The following PIK3C2G variants were observed in gnomAD, a reference collection of about 807,000 sequenced individuals.
PIK3C2G encodes phosphatidylinositol 3-kinase C2 domain-containing subunit gamma.
A neutral mutation model predicts 181.1 loss-of-function variants in PIK3C2G; 168 were observed. That is an observed-to-expected ratio of 0.93 (90% CI 0.82 to 1.05). The LOEUF (loss-of-function observed/expected upper bound fraction) is 1.05. PIK3C2G is among the 50% of genes least tolerant of loss of function. The pLI is 0.00. For synonymous variants in PIK3C2G, 573 were observed against 592.2 expected (o/e 0.97, Z 0.47); for missense variants, 1,869 against 1,732.8 (o/e 1.08, Z -1.40).
chr12:18,526,724 C>A (rs1319729621), intron 24 of PIK3C2G, among the ~76,000 whole-genome samples: 1 of 152,058 alleles, frequency 6.6e-6, no homozygotes. Flanking sequence ...AGAGCCATTC[C>A]TAGGCAAACT....
the PIK3C2G span, among the ~76,000 whole-genome samples, chr12:18,695,448 T>C: frequency 1.4e-4 from 21 of 152,250 alleles, no homozygotes; most frequent in Non-Finnish European, 2.5e-4. Context: ...ATGTCATAAA[T>C]TTTCAAGTCC....
At chr12:18,634,067 C>T (rs1949481689) in intron 31 of PIK3C2G, among the ~76,000 whole-genome samples, 1 of 152,146 alleles carries the variant, frequency 6.6e-6, no homozygotes, top group South Asian at 2.1e-4. Context: ...TTGCTGCAGC[C>T]TGGCAAGGTA....
At chr12:18,368,455 C>A (rs1941798593) in intron 12 of PIK3C2G, among the ~76,000 whole-genome samples, 1 of 152,102 alleles carries the variant, frequency 6.6e-6, no homozygotes. Context: ...CAAATAGATC[C>A]AAATCCAAAC....
intron 9 of PIK3C2G, among the ~76,000 whole-genome samples, chr12:18,340,880 CA>C (rs1044889448): frequency 6.6e-6 from 1 of 152,024 alleles, no homozygotes; most frequent in African/African-American, 2.4e-5. Context: ...ATCTTTCCCA[CA>C]ACGCCAATAT....
intron 23 of PIK3C2G, among the ~76,000 whole-genome samples, chr12:18,504,023 G>A (rs759761285): frequency 3.0e-4 from 45 of 152,220 alleles, no homozygotes; most frequent in Non-Finnish European, 5.9e-4. Flanking sequence ...CTATGATCTA[G>A]TACAGCTGGG....
intron 30 of PIK3C2G, among the ~76,000 whole-genome samples, chr12:18,596,280 T>G (rs12818409): frequency 8.6e-5 from 13 of 151,870 alleles, no homozygotes; most frequent in African/African-American, 3.1e-4. Flanking sequence ...GTCTCCGAAC[T>G]GCTAAAATTA....
chr12:18,283,281 T>C (rs540332840), intron 2 of PIK3C2G, among the ~76,000 whole-genome samples: 1 of 152,300 alleles, frequency 6.6e-6, no homozygotes, highest in South Asian at 2.1e-4. Flanking sequence ...GTATTCATTG[T>C]GTGACTCATC....
intron 8 of PIK3C2G, among the ~76,000 whole-genome samples, chr12:18,335,475 A>C (rs988502967): frequency 9.9e-5 from 15 of 151,672 alleles, no homozygotes; most frequent in African/African-American, 3.6e-4. Flanking sequence ...GTGTGTGTGT[A>C]TGTATGTGTG....
intron 32 of PIK3C2G, among the ~76,000 whole-genome samples, chr12:18,645,346 A>G (rs1950064709): frequency 6.6e-6 from 1 of 152,210 alleles, no homozygotes; most frequent in Non-Finnish European, 1.5e-5. Context: ...ATAGATATTT[A>G]TCATCTATAA....
chr12:18,378,527 TA>T (rs2137937875), intron 13 of PIK3C2G, among the ~76,000 whole-genome samples: 1 of 152,216 alleles, frequency 6.6e-6, no homozygotes, highest in South Asian at 2.1e-4. Context: ...GGGATCTAAT[TA>T]AACTAAAGAG....
intron 24 of PIK3C2G, among the ~76,000 whole-genome samples, chr12:18,526,058 A>AT (rs1276869922): frequency 2.0e-5 from 3 of 152,172 alleles, no homozygotes; most frequent in Non-Finnish European, 1.5e-5. Context: ...ATTACCACTG[A>AT]TTTTTTTAAA....
chr12:18,278,438 A>C (rs139306677), intron 1 of PIK3C2G, among the ~76,000 whole-genome samples: 4 of 152,136 alleles, frequency 2.6e-5, no homozygotes, highest in African/African-American at 9.7e-5. Flanking sequence ...GTCCAATGAG[A>C]TAATCTTTCT....
chr12:18,344,651 T>A (rs1939488509), intron 10 of PIK3C2G, among the ~76,000 whole-genome samples: 1 of 152,088 alleles, frequency 6.6e-6, no homozygotes. Context: ...CCCACAAAAC[T>A]GTACAGAAAT....
intron 16 of PIK3C2G, among the ~76,000 whole-genome samples, chr12:18,405,478 G>C (rs1944477126): frequency 6.6e-6 from 1 of 151,730 alleles, no homozygotes; most frequent in Non-Finnish European, 1.5e-5. Context: ...AGAGTGCAGT[G>C]GTGCGATCTC....
At position 18,471,663 on chromosome 12, in the gene PIK3C2G, T is replaced by C. The variant is rs572679662; in HGVS notation, c.2505-16786T>C. Among the ~76,000 whole-genome samples the C allele has an allele frequency of 7.2e-5, 11 of 152,286 alleles. No individual in the cohort carries two copies. The South Asian group carries it at 2.1e-3, about 29-fold the overall frequency. ...TCACAGAGCACATTCCCCTGTGAAC[T>C]TTCTACAATTATTCTGAACAATGGT... On this transcript the variant is annotated intron_variant, in intron 18 of 32. Transcript: ENST00000538779.
the PIK3C2G span, among the ~76,000 whole-genome samples, chr12:18,695,336 A>G: frequency 6.6e-6 from 1 of 152,200 alleles, no homozygotes; most frequent in Non-Finnish European, 1.5e-5. Flanking sequence ...AATGGTATCC[A>G]GTACAGATTA....
chr12:18,669,178 C>T, the PIK3C2G span, among the ~76,000 whole-genome samples: 2 of 152,154 alleles, frequency 1.3e-5, no homozygotes, highest in Non-Finnish European at 1.5e-5. Context: ...CTAAAGCACA[C>T]ACACAAAAGA....
At chr12:18,523,031 T>C (rs551273215) in intron 24 of PIK3C2G, among the ~76,000 whole-genome samples, 5 of 152,284 alleles carry the variant, frequency 3.3e-5, no homozygotes, top group African/African-American at 1.2e-4. Flanking sequence ...CTATTGAAGC[T>C]TTCTAATAAC....
At chr12:18,403,493 G>A (rs1240684176) in intron 16 of PIK3C2G, among the ~76,000 whole-genome samples, 4 of 152,106 alleles carry the variant, frequency 2.6e-5, no homozygotes, top group African/African-American at 9.7e-5. Context: ...AACAGTATGT[G>A]CTTATTAAGT....
Sources: allele counts gnomAD v4.1 joint callset (sites outside exome capture counted in the v4.1 genomes callset), GRCh38; gene constraint gnomAD v4.1.1; transcripts MANE v1.5; gene names NCBI Gene and HGNC (gene_info 2026-07-23, HGNC 2026-07-21).